GPX6: variants seen among roughly 807,000 people sequenced by gnomAD.
GPX6 encodes glutathione peroxidase 6.
In GPX6, 21 loss-of-function variants were observed where a neutral mutation model predicts 20.0. The ratio of observed to expected loss-of-function variants is 1.05; its 90% confidence interval spans 0.74 to 1.51. The LOEUF (loss-of-function observed/expected upper bound fraction) is 1.51, where lower values mean the gene tolerates loss of function less well. GPX6 is among the 40% of genes most tolerant of loss of function. The pLI is 0.00. For missense variants in GPX6, 233 were observed against 254.7 expected, an observed-to-expected ratio of 0.91 and a Z score of 0.58; for synonymous variants, 75 against 98.0, an observed-to-expected ratio of 0.77 and a Z score of 1.38.
At chr6:28,513,389 C>G (rs1051970741) in intron 1 of GPX6, among the ~76,000 whole-genome samples, 12 of 152,300 alleles carry the variant, frequency 7.9e-5, no homozygotes, top group Middle Eastern at 3.4e-3. Context: ...GGTTGGAGCT[C>G]CACAATCTGC....
intron 1 of GPX6, among the ~76,000 whole-genome samples, chr6:28,511,656 G>A (rs527921608): frequency 6.6e-6 from 1 of 152,384 alleles, no homozygotes; most frequent in East Asian, 1.9e-4. Flanking sequence ...GCACCATCGT[G>A]GTGAGAGGTG....
intron 1 of GPX6, among the ~76,000 whole-genome samples, chr6:28,512,708 C>T (rs559782205): frequency 7.2e-5 from 11 of 152,322 alleles, no homozygotes; most frequent in East Asian, 1.9e-4. Context: ...GCTGCTCATT[C>T]TTGGGGTCCA....
rs1562004289 is a variant in GPX6, at chr6:28,515,772, C to T, written c.-29G>A. On this transcript the variant is annotated 5_prime_UTR_variant, in exon 1 of 5. Coordinates refer to ENST00000361902, the MANE Select transcript of GPX6 (RefSeq NM_182701.1). ...TAGGAGTTTTAGACGACTCTGAGGT[C>T]CCCAGGATTTCAGCCCCTTTTGAGC... The T allele has an allele frequency of 6.3e-7, 1 of 1,583,442 alleles. No homozygotes were observed. Among genetic ancestry groups the T allele is most frequent in the Middle Eastern group, 1.7e-4 (1 of 5,986 alleles).
At chr6:28,511,422 G>T (rs1341199386) in intron 1 of GPX6, among the ~76,000 whole-genome samples, 1 of 152,224 alleles carries the variant, frequency 6.6e-6, no homozygotes, top group Non-Finnish European at 1.5e-5. Context: ...GGGAGGGGCG[G>T]CCGGGAAGTG....
intron 3 of GPX6, 126 bp from the exon 4 acceptor site, chr6:28,505,928 TAAGAAAAGATAGTCTGTGGGAAGC>T: frequency 1.4e-6 from 1 of 707,770 alleles, no homozygotes; most frequent in African/African-American, 1.8e-5. Flanking sequence ...ACAGGGAAGA[TAAGAAAAGATAGTCTGTGGGAAGC>T]AGGATTTTAT....
chr6:28,514,483 C>G (rs899514286), intron 1 of GPX6, among the ~76,000 whole-genome samples: 3 of 152,194 alleles, frequency 2.0e-5, no homozygotes, highest in African/African-American at 7.2e-5. Flanking sequence ...GTTGTCCGTT[C>G]AAGTGATCTG....
chr6:28,511,949 C>T (rs1322277371), intron 1 of GPX6, among the ~76,000 whole-genome samples: 3 of 152,224 alleles, frequency 2.0e-5, no homozygotes, highest in Non-Finnish European at 4.4e-5. Flanking sequence ...CAGCCGGCCC[C>T]GGGCACTGAG....
rs1762799968 is a variant in GPX6, at chr6:28,505,689, T to A, written c.459+14A>T. ...TCTAGCTAACCCATCCATGCCAGGT[T>A]TATACTCATGCACCTTCAGGAAAGT... On this transcript the variant is annotated intron_variant, in intron 4 of 4. Coordinates refer to ENST00000361902, the MANE Select transcript of GPX6 (RefSeq NM_182701.1). The A allele has an allele frequency of 1.2e-6, 2 of 1,601,918 alleles. No homozygotes were observed. Among genetic ancestry groups the A allele is most frequent in the Admixed American group, 1.7e-5 (1 of 59,968 alleles).
At chr6:28,504,646 C>T in intron 4 of GPX6, 148 bp from the exon 5 acceptor site, 1 of 674,606 alleles carries the variant, frequency 1.5e-6, no homozygotes, top group Non-Finnish European at 2.5e-6. Context: ...TCCAATCAAC[C>T]ACAGACACTG....
intron 4 of GPX6, among the ~76,000 whole-genome samples, chr6:28,505,257 C>T (rs937929807): frequency 5.3e-5 from 8 of 152,178 alleles, no homozygotes; most frequent in Admixed American, 3.3e-4. Flanking sequence ...ACCAGCATTT[C>T]GGGCTGAGTA....
chr6:28,504,429 G>C lies in GPX6; in HGVS notation c.529C>G (p.His177Asp). 6.2e-7 allele frequency: 1 copy of C among 1,614,134 alleles called. No individual in the cohort carries two copies. The highest frequency in any genetic ancestry group is 8.5e-7 in the Non-Finnish European group (1 of 1,180,036). The change falls in exon 5 of 5, where the codon CAT (histidine) becomes GAT (aspartate). Residue 177 changes from histidine to aspartate, a missense_variant. His to Asp is a moderately conservative substitution (Grantham distance 81). Transcript: ENST00000361902. The stretch of plus-strand genomic sequence containing the variant: ...TTCTCAAAGTTCCAGCGGATATCAT[G>C]GACCTTCATGGGCTCCCAGAAGAGT... Reference protein sequence around the residue: ...SQLFWEPMKVHDIRWNFEKFL... With the variant: ...SQLFWEPMKVDDIRWNFEKFL...
intron 2 of GPX6, among the ~76,000 whole-genome samples, chr6:28,509,227 G>C (rs1762836836): frequency 6.6e-6 from 1 of 151,910 alleles, no homozygotes; most frequent in Non-Finnish European, 1.5e-5. Context: ...CTTAAAACTT[G>C]TTTTTGTATA....
chr6:28,504,860 T>C (rs912784165), intron 4 of GPX6, among the ~76,000 whole-genome samples: 1 of 152,138 alleles, frequency 6.6e-6, no homozygotes, highest in Non-Finnish European at 1.5e-5. Context: ...AAAAAAGAGA[T>C]TGATTTAGAG....
At chr6:28,509,841 C>G (rs1052353653) in intron 2 of GPX6, among the ~76,000 whole-genome samples, 33 of 152,244 alleles carry the variant, frequency 2.2e-4, no homozygotes, top group African/African-American at 7.2e-4. Context: ...AGTCACACTA[C>G]ACAGCCCTTG....
At chr6:28,507,036 C>A (rs189951446) in intron 2 of GPX6, among the ~76,000 whole-genome samples, 2 of 152,270 alleles carry the variant, frequency 1.3e-5, no homozygotes, top group African/African-American at 4.8e-5. Context: ...TGTACCCTCT[C>A]CTCAATTCCA....
intron 4 of GPX6, 60 bp downstream of exon 4, chr6:28,505,643 C>T: frequency 7.6e-7 from 1 of 1,322,040 alleles, no homozygotes; most frequent in Non-Finnish European, 1.1e-6. Context: ...TAGACATGAG[C>T]CCCACTGCTT....
chr6:28,512,184 G>A (rs927896446), intron 1 of GPX6, among the ~76,000 whole-genome samples: 6 of 152,252 alleles, frequency 3.9e-5, no homozygotes, highest in East Asian at 1.9e-4. Flanking sequence ...CGCAGGGCGC[G>A]GGACTGGCAG....
At chr6:28,514,310 C>T (rs564431706) in intron 1 of GPX6, among the ~76,000 whole-genome samples, 5 of 152,280 alleles carry the variant, frequency 3.3e-5, no homozygotes, top group Non-Finnish European at 7.4e-5. Context: ...GAGCTCAATC[C>T]TTCCTACCCA....
chr6:28,512,987 G>A (rs933159400), intron 1 of GPX6, among the ~76,000 whole-genome samples: 6 of 152,062 alleles, frequency 3.9e-5, no homozygotes, highest in Admixed American at 2.6e-4. Flanking sequence ...CTGCCTTAAA[G>A]AACTGGGTTT....
Sources: gnomAD v4.1 joint callset for allele counts (sites outside exome capture counted in the v4.1 genomes callset) on GRCh38, gnomAD v4.1.1 for gene constraint, MANE v1.5 for transcripts, NCBI Gene and HGNC (gene_info 2026-07-23, HGNC 2026-07-21) for gene names.